KAZN: variants seen among roughly 807,000 people sequenced by gnomAD.
KAZN encodes kazrin, periplakin interacting protein.
In KAZN, 40 loss-of-function variants were observed where a neutral mutation model predicts 87.4. That is an observed-to-expected ratio of 0.46 (90% CI 0.36 to 0.60). The LOEUF is 0.60. Among genes scored for constraint, KAZN ranks in the 20% least tolerant of loss-of-function variants. The pLI, the probability that KAZN is intolerant of heterozygous loss-of-function variation, is 0.00. For missense variants in KAZN, 898 were observed against 1,073.9 expected, an observed-to-expected ratio of 0.84 and a Z score of 2.29; for synonymous variants, 466 against 458.3, an observed-to-expected ratio of 1.02 and a Z score of -0.22.
At chr1:15,041,163 T>C (rs1672855647) in intron 3 of KAZN, among the ~76,000 whole-genome samples, 1 of 150,534 alleles carries the variant, frequency 6.6e-6, no homozygotes, top group Non-Finnish European at 1.5e-5. Flanking sequence ...GGTTTCACCA[T>C]GTTGGCCAGG....
chr1:14,592,190 T>A (rs1262599357), intron 2 of KAZN, among the ~76,000 whole-genome samples: 3 of 152,090 alleles, frequency 2.0e-5, no homozygotes, highest in African/African-American at 7.2e-5. Flanking sequence ...AGGATTCACA[T>A]GTGACAATTT....
chr1:14,363,576 CAA>C (rs1196902824), intron 2 of KAZN, among the ~76,000 whole-genome samples: 1 of 152,198 alleles, frequency 6.6e-6, no homozygotes, highest in Non-Finnish European at 1.5e-5. Flanking sequence ...AATAATACAT[CAA>C]AAGTTACCTT....
At chr1:14,486,684 A>C (rs1437051266) in intron 2 of KAZN, among the ~76,000 whole-genome samples, 1 of 152,194 alleles carries the variant, frequency 6.6e-6, no homozygotes, top group Non-Finnish European at 1.5e-5. Flanking sequence ...TTTGATAATC[A>C]ATTTTTAACT....
At chr1:14,046,136 G>C (rs1431650422) in intron 1 of KAZN, among the ~76,000 whole-genome samples, 2 of 152,196 alleles carry the variant, frequency 1.3e-5, no homozygotes, top group Non-Finnish European at 2.9e-5. Flanking sequence ...AATTTAATAG[G>C]AATCATGGAT....
intron 1 of KAZN, among the ~76,000 whole-genome samples, chr1:13,959,343 C>T (rs6676708): frequency 0.11 from 17,189 of 152,162 alleles, 1,318 homozygotes; most frequent in Middle Eastern, 0.21. Context: ...ATTGCAGTAG[C>T]TCACAGGAAC....
At chr1:14,548,577 T>C (rs1673318308) in intron 2 of KAZN, among the ~76,000 whole-genome samples, 1 of 152,214 alleles carries the variant, frequency 6.6e-6, no homozygotes, top group Non-Finnish European at 1.5e-5. Flanking sequence ...ATATCTTGAA[T>C]ATATAAGCAG....
At chr1:14,439,960 C>G (rs797000020) in intron 2 of KAZN, among the ~76,000 whole-genome samples, 36 of 152,266 alleles carry the variant, frequency 2.4e-4, no homozygotes, top group African/African-American at 8.7e-4. Flanking sequence ...ATCCCAACCA[C>G]GTCCCACCCC....
intron 1 of KAZN, among the ~76,000 whole-genome samples, chr1:13,998,307 C>G (rs1326702286): frequency 6.6e-6 from 1 of 152,222 alleles, no homozygotes; most frequent in African/African-American, 2.4e-5. Flanking sequence ...TATGAAAAAA[C>G]TGCATCAACT....
At chr1:14,365,710 G>A (rs970736650) in intron 2 of KAZN, among the ~76,000 whole-genome samples, 1 of 152,064 alleles carries the variant, frequency 6.6e-6, no homozygotes, top group Non-Finnish European at 1.5e-5. Context: ...AATCACAAAC[G>A]TCTTCAGACA....
intron 2 of KAZN, among the ~76,000 whole-genome samples, chr1:14,516,999 C>G (rs1004157863): frequency 2.6e-5 from 4 of 152,118 alleles, no homozygotes; most frequent in African/African-American, 9.7e-5. Context: ...AAACATTGCT[C>G]TTACTTTAGG....
intron 1 of KAZN, among the ~76,000 whole-genome samples, chr1:14,170,596 A>G (rs538919541): frequency 6.5e-4 from 99 of 152,350 alleles, no homozygotes; most frequent in African/African-American, 2.3e-3. Flanking sequence ...GGCATTTAGT[A>G]CCTTCACAGT....
At chr1:14,851,409 C>G (rs1169272929) in intron 1 of KAZN, among the ~76,000 whole-genome samples, 2 of 152,240 alleles carry the variant, frequency 1.3e-5, no homozygotes, top group Non-Finnish European at 2.9e-5. Flanking sequence ...TGCCCCACCG[C>G]TGCGATAGCC....
chr1:13,918,413 T>C (rs1639939001), intron 1 of KAZN, among the ~76,000 whole-genome samples: 1 of 152,210 alleles, frequency 6.6e-6, no homozygotes, highest in East Asian at 1.9e-4. Flanking sequence ...GTTGAGTTAT[T>C]GCAGTCTCAT....
intron 2 of KAZN, among the ~76,000 whole-genome samples, chr1:14,198,233 G>T (rs924247924): frequency 2.3e-4 from 35 of 152,288 alleles, no homozygotes; most frequent in African/African-American, 7.7e-4. Flanking sequence ...CCTAAGAAGG[G>T]AGAAGGATGG....
In KAZN at chr1:15,099,519, G is replaced by T. The variant is rs1332212723; in HGVS notation, c.1548-2024G>T. Among the ~76,000 whole-genome samples, 1 of 152,086 alleles carries T rather than the reference G, an allele frequency of 6.6e-6. No individual in the cohort carries two copies. The highest frequency in any genetic ancestry group is 1.9e-4 in the East Asian group (1 of 5,176). ...TGAGGAGGGGTGAGCCCTGGGCAGGGTTGCAAGGGGCTGGCCGGGGAGGGG... is the reference window on the plus strand; with the variant it reads ...TGAGGAGGGGTGAGCCCTGGGCAGGTTTGCAAGGGGCTGGCCGGGGAGGGG... On this transcript the variant is annotated intron_variant, in intron 10 of 14. Coordinates refer to ENST00000376030, the MANE Select transcript of KAZN (RefSeq NM_201628.3). The surrounding 1 kb of genome is among the most constrained non-coding windows in gnomAD (Gnocchi z 5.4).
At chr1:14,682,539 C>T (rs568587427) in intron 1 of KAZN, among the ~76,000 whole-genome samples, 2 of 152,240 alleles carry the variant, frequency 1.3e-5, no homozygotes, top group South Asian at 4.1e-4. Context: ...GCTCCTGCCT[C>T]AGCCTCCCAA....
intron 2 of KAZN, among the ~76,000 whole-genome samples, chr1:15,001,488 C>T (rs1668467969): frequency 6.6e-6 from 1 of 151,122 alleles, no homozygotes; most frequent in African/African-American, 2.4e-5. Flanking sequence ...AAAAGTTTTG[C>T]AATGTTGCTG....
At chr1:14,277,115 A>G (rs919354570) in intron 2 of KAZN, among the ~76,000 whole-genome samples, 1 of 152,302 alleles carries the variant, frequency 6.6e-6, no homozygotes, top group East Asian at 1.9e-4. Flanking sequence ...GAAAATTTCA[A>G]ACACACAAAA....
intron 1 of KAZN, among the ~76,000 whole-genome samples, chr1:13,969,657 TG>T (rs922893857): frequency 1.3e-5 from 2 of 152,036 alleles, no homozygotes; most frequent in African/African-American, 4.8e-5. Flanking sequence ...CTGCTTGGAG[TG>T]CCCTTTCCCC....
Sources: allele counts gnomAD v4.1 joint callset (sites outside exome capture counted in the v4.1 genomes callset), GRCh38; gene constraint gnomAD v4.1.1; non-coding constraint Gnocchi (gnomAD v3.1); transcripts MANE v1.5; gene names NCBI Gene and HGNC (gene_info 2026-07-23, HGNC 2026-07-21).